SMOC2: variants seen among roughly 807,000 people sequenced by gnomAD.
SMOC2 encodes the protein SPARC-related modular calcium-binding protein 2.
Under a neutral mutation model 61.4 loss-of-function variants are expected in SMOC2, and 39 were observed. That is an observed-to-expected ratio of 0.64 (90% CI 0.49 to 0.83). The LOEUF (loss-of-function observed/expected upper bound fraction) is 0.83, where lower values mean the gene tolerates loss of function less well. Ranked by LOEUF, SMOC2 falls within the 40% of genes least tolerant of loss-of-function variation. SMOC2 has a pLI of 0.00. For synonymous variants in SMOC2, 247 were observed against 239.9 expected (o/e 1.03, Z -0.27); for missense variants, 556 against 592.9 (o/e 0.94, Z 0.65).
intron 1 of SMOC2, among the ~76,000 whole-genome samples, chr6:168,473,374 A>G (rs1782008245): frequency 6.6e-6 from 1 of 152,198 alleles, no homozygotes. Flanking sequence ...GGCATTGCTC[A>G]GGTCCTTTCC....
chr6:168,534,372 T>C (rs899968990), intron 4 of SMOC2, among the ~76,000 whole-genome samples: 3 of 151,856 alleles, frequency 2.0e-5, no homozygotes, highest in Non-Finnish European at 4.4e-5. Flanking sequence ...GACCACAGGG[T>C]GTAGGTTTAG....
chr6:168,543,606 C>G lies in SMOC2; in HGVS notation c.464-19C>G, dbSNP rs1424296136. 6.2e-7 allele frequency: 1 copy of G among 1,610,316 alleles called. No homozygotes were observed. Among genetic ancestry groups the G allele is most frequent in the South Asian group, 1.1e-5 (1 of 90,610 alleles). On this transcript the variant is annotated intron_variant, in intron 4 of 12. Transcript: ENST00000356284. ...GAGTCCAAAATAATTTCATTTCACT[C>G]CTTATTTTCCTCTTTTAGGTTCCGT...
intron 1 of SMOC2, among the ~76,000 whole-genome samples, chr6:168,443,484 G>C (rs1225287071): frequency 6.6e-6 from 1 of 152,148 alleles, no homozygotes; most frequent in African/African-American, 2.4e-5. Flanking sequence ...CAGTTTGCCT[G>C]AAATTTACAT....
chr6:168,604,014 G>T (rs1785623566), intron 8 of SMOC2, among the ~76,000 whole-genome samples: 1 of 152,256 alleles, frequency 6.6e-6, no homozygotes, highest in South Asian at 2.1e-4. Flanking sequence ...TCCCTAAGAG[G>T]CACAGCAGTG....
intron 7 of SMOC2, among the ~76,000 whole-genome samples, chr6:168,550,180 A>G (rs561215806): frequency 1.3e-5 from 2 of 152,342 alleles, no homozygotes; most frequent in South Asian, 4.1e-4. Flanking sequence ...GTAGCTCTGT[A>G]GGTTTAAAGT....
chr6:168,601,377 GTGCTGAGGCCAGCGGCTGA>G (rs1282714320), intron 8 of SMOC2, among the ~76,000 whole-genome samples: 1 of 152,238 alleles, frequency 6.6e-6, no homozygotes, highest in African/African-American at 2.4e-5. Context: ...CTGCACAGGG[GTGCTGAGGCCAGCGGCTGA>G]GGCTTGGCTT....
In SMOC2 at chr6:168,518,905, ATG is replaced by A. The variant is rs561982316; in HGVS notation, c.257-7436_257-7435del. On this transcript the variant is annotated intron_variant, in intron 2 of 12. Transcript: ENST00000356284. Reference sequence around the variant, plus strand: ...TCTGAGCATGCGTGTGTGTGCGTGCATGTGTGAGTGAGCATGAGTGTGCGTGC... The same window carrying A: ...TCTGAGCATGCGTGTGTGTGCGTGCATGTGAGTGAGCATGAGTGTGCGTGC... Among the ~76,000 whole-genome samples the A allele has an allele frequency of 4.0e-3, 593 of 149,806 alleles. 6 individuals are homozygous for A. The highest frequency in any genetic ancestry group is 7.4e-3 in the Middle Eastern group (2 of 272).
At chr6:168,614,686 A>AGG (rs200972598) in intron 9 of SMOC2, among the ~76,000 whole-genome samples, 2 of 88,562 alleles carry the variant, frequency 2.3e-5, no homozygotes, top group Non-Finnish European at 4.5e-5. Context: ...CAGCCAGCAC[A>AGG]GGGCCTCTTC....
intron 9 of SMOC2, among the ~76,000 whole-genome samples, chr6:168,635,066 T>C (rs1786677394): frequency 6.6e-6 from 1 of 152,134 alleles, no homozygotes; most frequent in Non-Finnish European, 1.5e-5. Context: ...GCTGAAAGGG[T>C]CAATAAACAG....
intron 1 of SMOC2, among the ~76,000 whole-genome samples, chr6:168,457,525 C>G (rs1452909375): frequency 6.6e-6 from 1 of 152,202 alleles, no homozygotes; most frequent in Non-Finnish European, 1.5e-5. Flanking sequence ...TGTAAATACA[C>G]AGGAGCCTGC....
At chr6:168,648,120 A>T (rs1787092094) in intron 9 of SMOC2, among the ~76,000 whole-genome samples, 1 of 152,206 alleles carries the variant, frequency 6.6e-6, no homozygotes, top group South Asian at 2.1e-4. Context: ...ATATCCACAT[A>T]ATTCTTTCTT....
intron 9 of SMOC2, among the ~76,000 whole-genome samples, chr6:168,637,524 C>T (rs1786770229): frequency 6.6e-6 from 1 of 152,196 alleles, no homozygotes; most frequent in Admixed American, 6.5e-5. Context: ...ACAAATGCTG[C>T]CCAGTTTTGT....
intron 2 of SMOC2, among the ~76,000 whole-genome samples, chr6:168,519,652 G>A (rs1056948467): frequency 6.6e-6 from 1 of 152,106 alleles, no homozygotes; most frequent in Non-Finnish European, 1.5e-5. Context: ...CCAAGGCACC[G>A]GCTCATCAGC....
intron 11 of SMOC2, among the ~76,000 whole-genome samples, chr6:168,657,949 C>T (rs1008192860): frequency 1.3e-5 from 2 of 152,184 alleles, no homozygotes; most frequent in Non-Finnish European, 2.9e-5. Flanking sequence ...TTGGGCTCAC[C>T]TTCAGACCAT....
At chr6:168,652,369 T>C (rs73045828) in intron 10 of SMOC2, among the ~76,000 whole-genome samples, 5,609 of 152,214 alleles carry the variant, frequency 0.037, 161 homozygotes, top group Non-Finnish European at 0.052. Flanking sequence ...AGGAGGGCCA[T>C]CCCATGCGCA....
At chr6:168,465,855 C>T (rs1435054632) in intron 1 of SMOC2, among the ~76,000 whole-genome samples, 2 of 82,706 alleles carry the variant, frequency 2.4e-5, no homozygotes, top group African/African-American at 9.7e-5. Context: ...GATGAAGCGA[C>T]GTGCTGCTCT....
chr6:168,501,233 C>T (rs1358582214), intron 1 of SMOC2, among the ~76,000 whole-genome samples: 1 of 152,148 alleles, frequency 6.6e-6, no homozygotes, highest in African/African-American at 2.4e-5. Context: ...AATGAATAAC[C>T]TGAGAGATTT....
At chr6:168,652,317 A>G (rs9294907) in intron 10 of SMOC2, among the ~76,000 whole-genome samples, 143,728 of 152,246 alleles carry the variant, frequency 0.94, 68,106 homozygotes, top group African/African-American at 0.99. Flanking sequence ...CTGGGAATGT[A>G]CAGCTCATCC....
intron 2 of SMOC2, among the ~76,000 whole-genome samples, chr6:168,510,611 A>G (rs1782983624): frequency 6.6e-6 from 1 of 152,168 alleles, no homozygotes; most frequent in African/African-American, 2.4e-5. Flanking sequence ...TCAGAAAGAG[A>G]TTTACCTTGT....
Sources: gnomAD v4.1 joint callset for allele counts (sites outside exome capture counted in the v4.1 genomes callset) on GRCh38, gnomAD v4.1.1 for gene constraint, MANE v1.5 for transcripts, NCBI Gene and HGNC (gene_info 2026-07-23, HGNC 2026-07-21) for gene names.